CPEB3: variants seen among roughly 807,000 people sequenced by gnomAD.
CPEB3 encodes cytoplasmic polyadenylation element-binding protein 3.
Under a neutral mutation model 67.2 loss-of-function variants are expected in CPEB3, and 20 were observed. The ratio of observed to expected loss-of-function variants is 0.30; its 90% CI spans 0.21 to 0.43. The LOEUF (loss-of-function observed/expected upper bound fraction) is 0.43, where lower values mean the gene tolerates loss of function less well. Among genes scored for constraint, CPEB3 ranks in the 20% least tolerant of loss-of-function variants. The pLI is 1.00. For missense variants in CPEB3, 746 were observed against 968.6 expected, an observed-to-expected ratio of 0.77 and a Z score of 3.05; for synonymous variants, 376 against 393.1, an observed-to-expected ratio of 0.96 and a Z score of 0.51.
At chr10:92,179,565 A>G (rs1456683811) in intron 4 of CPEB3, among the ~76,000 whole-genome samples, 1 of 152,232 alleles carries the variant, frequency 6.6e-6, no homozygotes, top group Admixed American at 6.5e-5. Context: ...ATTAATTCCC[A>G]TCGACTAGAA....
intron 6 of CPEB3, among the ~76,000 whole-genome samples, chr10:92,139,163 G>C (rs1846261751): frequency 1.3e-5 from 2 of 152,036 alleles, no homozygotes; most frequent in Non-Finnish European, 2.9e-5. Context: ...TGTAATCCCA[G>C]CTACTCGGGA....
intron 1 of CPEB3, among the ~76,000 whole-genome samples, chr10:92,253,086 T>G (rs967664082): frequency 1.1e-4 from 16 of 152,076 alleles, no homozygotes; most frequent in African/African-American, 3.6e-4. Context: ...AAATAATGAT[T>G]GCTAGGGAAC....
intron 7 of CPEB3, among the ~76,000 whole-genome samples, chr10:92,093,964 C>A (rs960099369): frequency 6.6e-6 from 1 of 152,110 alleles, no homozygotes; most frequent in African/African-American, 2.4e-5. Context: ...AAGTGATTCT[C>A]GTGCCTCAGC....
chr10:92,226,463 G>A (rs998939241), intron 2 of CPEB3, among the ~76,000 whole-genome samples: 6 of 152,160 alleles, frequency 3.9e-5, no homozygotes, highest in African/African-American at 1.4e-4. Context: ...ACTCACACTG[G>A]TAGCTACATG....
chr10:92,094,051 C>T (rs1168642671), intron 7 of CPEB3, among the ~76,000 whole-genome samples: 2 of 151,818 alleles, frequency 1.3e-5, no homozygotes, highest in Non-Finnish European at 2.9e-5. Flanking sequence ...GACGGGGCTT[C>T]GCCATGTTGG....
intron 3 of CPEB3, among the ~76,000 whole-genome samples, chr10:92,191,065 C>A (rs10786030): frequency 0.98 from 148,954 of 152,324 alleles, 72,841 homozygotes; most frequent in East Asian, 1. Flanking sequence ...TTTTGTTCTT[C>A]TAATTTTCTC....
chr10:92,145,005 G>A lies in CPEB3; in HGVS notation c.1303C>T (p.Arg435Ter). The change falls in exon 5 of 10, where the codon CGA (arginine) becomes TGA (stop). Residue 435 changes from arginine (R) to a stop codon, truncating the protein, a stop_gained. Coordinates refer to ENST00000265997, the MANE Select transcript of CPEB3 (RefSeq NM_014912.5). LOFTEE classifies it high-confidence loss of function. ...ACCTTTCTAGAGTAGCGTTCTACTC[G>A]TTCCCCATTTTGACAGCGAGTGGGA... is the stretch of plus-strand genomic sequence containing the variant. The part of the protein sequence containing the change: ...SSPTRCQNGE[R>*]VERYSRKVFV... 6.2e-7 allele frequency: 1 copy of A among 1,614,058 alleles called. No homozygotes were observed. The highest frequency in any genetic ancestry group is 8.5e-7 in the Non-Finnish European group (1 of 1,179,964).
intron 1 of CPEB3, among the ~76,000 whole-genome samples, chr10:92,270,959 C>T (rs1182281048): frequency 6.6e-6 from 1 of 152,136 alleles, no homozygotes; most frequent in Non-Finnish European, 1.5e-5. Flanking sequence ...GGTGGATCCC[C>T]TGAGGTCAGG....
intron 9 of CPEB3, among the ~76,000 whole-genome samples, chr10:92,057,965 A>T (rs1168691332): frequency 6.6e-6 from 1 of 152,218 alleles, no homozygotes; most frequent in Non-Finnish European, 1.5e-5. Flanking sequence ...AACCTTCCCA[A>T]GAAGGACAGG....
chr10:92,240,400 T>C (rs755103284), intron 1 of CPEB3, 39 bp from the exon 2 acceptor site: 3 of 1,421,084 alleles, frequency 2.1e-6, no homozygotes, highest in Non-Finnish European at 2.8e-6. Context: ...ATTGTCAATG[T>C]GATCATGAAT....
chr10:92,051,906 A>C lies in CPEB3; in HGVS notation c.*306T>G. On this transcript the variant is annotated 3_prime_UTR_variant, in exon 10 of 10. Transcript: ENST00000265997. ...AGTAGCCTGACGGCCGCTGATGAGA[A>C]TGGCAGTCTACATACTGTCACGAGT... 4.0e-6 allele frequency: 1 copy of C among 252,792 alleles called. No individual in the cohort carries two copies. The highest frequency in any genetic ancestry group is 7.6e-6 in the Non-Finnish European group (1 of 131,058). 15.7% of individuals were successfully genotyped at this position (252,792 alleles called of 1,614,324 possible).
intron 9 of CPEB3, among the ~76,000 whole-genome samples, chr10:92,074,261 C>T (rs1191621696): frequency 6.6e-6 from 1 of 152,140 alleles, no homozygotes; most frequent in Non-Finnish European, 1.5e-5. Flanking sequence ...GGTCACCTCT[C>T]AATCTTCATT....
At chr10:92,075,526 G>A (rs1053666186) in intron 9 of CPEB3, among the ~76,000 whole-genome samples, 2 of 152,128 alleles carry the variant, frequency 1.3e-5, no homozygotes, top group African/African-American at 4.8e-5. Flanking sequence ...CTTTAACTGG[G>A]TGAATTGTAT....
chr10:92,111,617 C>G (rs1384155594), intron 6 of CPEB3, among the ~76,000 whole-genome samples: 4 of 152,184 alleles, frequency 2.6e-5, no homozygotes, highest in Non-Finnish European at 5.9e-5. Context: ...CAAAATATGT[C>G]CAGAACCAGC....
At chr10:92,242,527 T>C (rs534370483) in intron 1 of CPEB3, among the ~76,000 whole-genome samples, 80 of 152,334 alleles carry the variant, frequency 5.3e-4, no homozygotes, top group African/African-American at 1.9e-3. Flanking sequence ...AATCTGAGAT[T>C]TGAGTCACTT....
chr10:92,106,183 G>A (rs1274309992), intron 7 of CPEB3, among the ~76,000 whole-genome samples: 1 of 150,320 alleles, frequency 6.7e-6, no homozygotes. Context: ...ATGAGCCACT[G>A]CACCCAGCCT....
At chr10:92,127,737 AG>A in intron 6 of CPEB3, among the ~76,000 whole-genome samples, 1 of 152,164 alleles carries the variant, frequency 6.6e-6, no homozygotes, top group African/African-American at 2.4e-5. Context: ...GGAAGTACTA[AG>A]GCCCCCCAGA....
At chr10:92,241,493 G>A (rs1013589220) in intron 1 of CPEB3, among the ~76,000 whole-genome samples, 11 of 152,142 alleles carry the variant, frequency 7.2e-5, no homozygotes, top group African/African-American at 2.7e-4. Flanking sequence ...ACTATGGTTT[G>A]AAGACCCTGA....
intron 2 of CPEB3, among the ~76,000 whole-genome samples, chr10:92,195,169 CCAAACCAAGT>C (rs1256121542): frequency 6.6e-6 from 1 of 151,762 alleles, no homozygotes; most frequent in Non-Finnish European, 1.5e-5. Context: ...AACTCAACAA[CCAAACCAAGT>C]CAAACTACAG....
Sources: gnomAD v4.1 joint callset for allele counts (sites outside exome capture counted in the v4.1 genomes callset) on GRCh38, gnomAD v4.1.1 for gene constraint, MANE v1.5 for transcripts, NCBI Gene and HGNC (gene_info 2026-07-23, HGNC 2026-07-21) for gene names.